RMND5A: variants seen among roughly 807,000 people sequenced by gnomAD.
RMND5A encodes required for meiotic nuclear division 5 homolog A, also known as E3 ubiquitin-protein transferase RMND5A.
RMND5A carries 17 observed loss-of-function variants against 49.7 expected under a neutral mutation model. The ratio of observed to expected loss-of-function variants is 0.34; its 90% CI spans 0.23 to 0.51. The LOEUF is 0.51. RMND5A is among the 20% of genes least tolerant of loss of function. The pLI is 0.96. For missense variants in RMND5A, 255 were observed against 471.3 expected (o/e 0.54, Z 4.25); for synonymous variants, 156 against 167.7 (o/e 0.93, Z 0.54).
At chr2:86,771,339 T>C in intron 7 of RMND5A, 1 of 451,020 alleles carries the variant, frequency 2.2e-6, no homozygotes. Flanking sequence ...GTCAGACTTG[T>C]TTTTACACTT....
rs923458445 is a variant in RMND5A at position 86,721,686 on chromosome 2, G to A, written c.142+877G>A. Among the ~76,000 whole-genome samples, 21 of 151,742 alleles carry A rather than the reference G, an allele frequency of 1.4e-4. 1 individual carries two copies. The highest frequency in any genetic ancestry group is 4.9e-4 in the African/African-American group (20 of 41,122). ...GTTTTCTTACACTTTAGAAGTCACAGCGATGATTCCTTTTGATCAAGAAGT... is the reference window on the plus strand; with the variant it reads ...GTTTTCTTACACTTTAGAAGTCACAACGATGATTCCTTTTGATCAAGAAGT... On this transcript the variant is annotated intron_variant, in intron 1 of 8. Coordinates refer to ENST00000283632, the MANE Select transcript of RMND5A (RefSeq NM_022780.4).
chr2:86,756,477 A>T (rs1681741687), intron 4 of RMND5A, among the ~76,000 whole-genome samples: 1 of 152,244 alleles, frequency 6.6e-6, no homozygotes, highest in Non-Finnish European at 1.5e-5. Context: ...TTCTCTGTGT[A>T]TTTGACCAAT....
chr2:86,745,008 A>AT (rs10707332), intron 2 of RMND5A, among the ~76,000 whole-genome samples: 5,170 of 149,686 alleles, frequency 0.035, 297 homozygotes, highest in African/African-American at 0.12. Flanking sequence ...TTCTGTGACA[A>AT]TTTTTTTTTT....
chr2:86,744,545 C>T (rs1262913461), intron 2 of RMND5A, among the ~76,000 whole-genome samples: 2 of 152,176 alleles, frequency 1.3e-5, no homozygotes, highest in Non-Finnish European at 2.9e-5. Flanking sequence ...GAGTGAGAAA[C>T]ATTAGTAAAT....
At chr2:86,753,820 C>G (rs1191965633) in intron 4 of RMND5A, among the ~76,000 whole-genome samples, 1 of 152,202 alleles carries the variant, frequency 6.6e-6, no homozygotes, top group Non-Finnish European at 1.5e-5. Context: ...CCAGGCTACA[C>G]CACCACTTTG....
rs753759169 is a variant in RMND5A at position 86,720,685 on chromosome 2, G to C, written c.18G>C (p.Thr6=). Residue 6 remains threonine (T), a synonymous_variant, in exon 1 of 9, where the codon ACG becomes ACC. Transcript: ENST00000283632. ...CCTCCGGCATGGATCAGTGCGTGAC[G>C]GTGGAGCGCGAGCTGGAGAAGGTGC... MDQCV[T]VERELEKVLH... is the part of the protein sequence containing the mutation. 10 of 1,567,594 alleles carry C rather than the reference G, an allele frequency of 6.4e-6. No homozygotes were observed. The South Asian group carries it at 9.3e-5, about 15-fold the overall frequency.
intron 6 of RMND5A, among the ~76,000 whole-genome samples, chr2:86,768,015 A>G (rs1489345956): frequency 1.3e-5 from 2 of 152,040 alleles, no homozygotes; most frequent in East Asian, 3.9e-4. Flanking sequence ...GAACAGTGCC[A>G]CTCTTCTCAC....
At chr2:86,759,619 C>T (rs952049626) in intron 4 of RMND5A, among the ~76,000 whole-genome samples, 2 of 150,820 alleles carry the variant, frequency 1.3e-5, no homozygotes, top group Admixed American at 1.3e-4. Context: ...CTTGCCCCCC[C>T]GCCCCCCACC....
At chr2:86,753,028 G>A (rs538083310) in intron 3 of RMND5A, among the ~76,000 whole-genome samples, 38 of 152,234 alleles carry the variant, frequency 2.5e-4, no homozygotes, top group African/African-American at 8.7e-4. Flanking sequence ...CACAGAAATC[G>A]GTAGTAAGAC....
chr2:86,746,937 C>CA (rs1324785241), intron 2 of RMND5A, among the ~76,000 whole-genome samples: 2 of 152,166 alleles, frequency 1.3e-5, no homozygotes, highest in African/African-American at 4.8e-5. Flanking sequence ...ATGTCTACAT[C>CA]AAAAAATGCA....
At chr2:86,772,187 T>C (rs768525245) in intron 8 of RMND5A, among the ~76,000 whole-genome samples, 4 of 152,202 alleles carry the variant, frequency 2.6e-5, no homozygotes, top group Non-Finnish European at 4.4e-5. Context: ...TGGTGGCTTA[T>C]GCCTGTAATC....
intron 1 of RMND5A, chr2:86,721,168 G>C (rs1681208926): frequency 4.1e-6 from 1 of 241,510 alleles, no homozygotes; most frequent in Non-Finnish European, 8.1e-6. Flanking sequence ...GGAGTCTCAC[G>C]TGGTGCCCGC....
intron 2 of RMND5A, among the ~76,000 whole-genome samples, chr2:86,743,618 C>A (rs1217704737): frequency 6.6e-6 from 1 of 151,926 alleles, no homozygotes; most frequent in African/African-American, 2.4e-5. Context: ...AAAATTGTTT[C>A]ATGTTCCTGT....
chr2:86,763,625 A>T (rs567629518), intron 4 of RMND5A, among the ~76,000 whole-genome samples: 8 of 152,184 alleles, frequency 5.3e-5, no homozygotes, highest in Non-Finnish European at 1.2e-4. Flanking sequence ...TTTTTAAAAA[A>T]ATTAGCCAGG....
chr2:86,745,325 A>G (rs1440670439), intron 2 of RMND5A, among the ~76,000 whole-genome samples: 2 of 152,188 alleles, frequency 1.3e-5, no homozygotes, highest in African/African-American at 2.4e-5. Context: ...TAACTGGAAA[A>G]ATTCTGAGGC....
At chr2:86,759,612 G>GT (rs1553427419) in intron 4 of RMND5A, among the ~76,000 whole-genome samples, 2 of 146,142 alleles carry the variant, frequency 1.4e-5, no homozygotes, top group Non-Finnish European at 3.0e-5. Flanking sequence ...TAGTTTGCTT[G>GT]CCCCCCCGCC....
chr2:86,768,990 G>C (rs972388194), intron 6 of RMND5A, among the ~76,000 whole-genome samples: 11 of 152,136 alleles, frequency 7.2e-5, no homozygotes, highest in African/African-American at 2.7e-4. Flanking sequence ...CTGTTGCCCA[G>C]GTTGGAGTGC....
At chr2:86,745,008 A>G (rs1326979260) in intron 2 of RMND5A, among the ~76,000 whole-genome samples, 2 of 149,754 alleles carry the variant, frequency 1.3e-5, no homozygotes, top group East Asian at 3.9e-4. Flanking sequence ...TTCTGTGACA[A>G]TTTTTTTTTT....
chr2:86,761,882 A>T (rs1048080291), intron 4 of RMND5A, among the ~76,000 whole-genome samples: 10 of 152,182 alleles, frequency 6.6e-5, no homozygotes, highest in Admixed American at 5.9e-4. Flanking sequence ...AACTGTGCAA[A>T]CATAAATTTA....
Sources: allele counts gnomAD v4.1 joint callset (sites outside exome capture counted in the v4.1 genomes callset), GRCh38; gene constraint gnomAD v4.1.1; transcripts MANE v1.5; gene names NCBI Gene and HGNC (gene_info 2026-07-23, HGNC 2026-07-21).